Variants in PTCHD1 observed in about 807,000 individuals in gnomAD.
PTCHD1 encodes patched domain-containing protein 1.
A neutral mutation model predicts 34.6 loss-of-function variants in PTCHD1; 3 were observed. That is an observed-to-expected ratio of 0.09 (90% confidence interval 0.04 to 0.22). The LOEUF (loss-of-function observed/expected upper bound fraction) is 0.22, where lower values mean the gene tolerates loss of function less well. Among genes scored for constraint, PTCHD1 ranks in the 10% least tolerant of loss-of-function variants. The pLI is 1.00. For missense variants in PTCHD1, 504 were observed against 685.5 expected (o/e 0.74, Z 2.96); for synonymous variants, 305 against 283.1 (o/e 1.08, Z -0.77).
At chrX:23,348,800 T>A (rs750015682) in intron 1 of PTCHD1, among the ~76,000 whole-genome samples, 54 of 111,958 alleles carry the variant, frequency 4.8e-4, no homozygotes, top group African/African-American at 1.7e-3. Flanking sequence ...AAGAAGTTGT[T>A]TAAGAAAAAG....
chrX:23,381,483 C>T (rs1170476316), intron 2 of PTCHD1, among the ~76,000 whole-genome samples: 1 of 112,506 alleles, frequency 8.9e-6, no homozygotes, highest in African/African-American at 3.2e-5. Context: ...TAAGAAATAA[C>T]CACTGTTGAG....
intron 2 of PTCHD1, among the ~76,000 whole-genome samples, chrX:23,390,337 A>C (rs781244353): frequency 1.7e-3 from 184 of 109,764 alleles, no homozygotes; most frequent in Admixed American, 7.3e-3. Flanking sequence ...AGGAAAAAAA[A>C]AAAAAAAACA....
At chrX:23,357,692 G>A (rs1306524495) in intron 1 of PTCHD1, among the ~76,000 whole-genome samples, 1 of 110,905 alleles carries the variant, frequency 9.0e-6, no homozygotes, top group Admixed American at 9.6e-5. Flanking sequence ...TAAGTTCTAG[G>A]GTACATATGC....
chrX:23,362,139 C>A (rs1405881387), intron 1 of PTCHD1, among the ~76,000 whole-genome samples: 4 of 111,639 alleles, frequency 3.6e-5, no homozygotes, highest in Admixed American at 1.9e-4. Context: ...TGGGGTTGCT[C>A]TTCTTGAGGA....
At chrX:23,338,358 CA>C (rs1265936338) in intron 1 of PTCHD1, among the ~76,000 whole-genome samples, 1 of 112,343 alleles carries the variant, frequency 8.9e-6, no homozygotes, top group Non-Finnish European at 1.9e-5. Flanking sequence ...AAGCAAATTT[CA>C]AAGGAGGGCC....
intron 1 of PTCHD1, among the ~76,000 whole-genome samples, chrX:23,365,471 T>C (rs1922116286): frequency 9.1e-6 from 1 of 109,820 alleles, no homozygotes; most frequent in Non-Finnish European, 1.9e-5. Context: ...TTGGGAGGTG[T>C]AGGGCAAACA....
intron 1 of PTCHD1, among the ~76,000 whole-genome samples, chrX:23,342,989 G>A (rs1309385391): frequency 8.9e-6 from 1 of 112,262 alleles, no homozygotes; most frequent in African/African-American, 3.2e-5. Context: ...CTCTTCAGGG[G>A]CAGGAACAAT....
chrX:23,361,307 C>G (rs991832875), intron 1 of PTCHD1, among the ~76,000 whole-genome samples: 3 of 111,632 alleles, frequency 2.7e-5, no homozygotes, highest in Non-Finnish European at 5.6e-5. Context: ...GGTCTCTAAG[C>G]ACTTGCCTTA....
chrX:23,394,301 CCAAA>C lies in PTCHD1; in HGVS notation c.*117_*120del. 2 of 113,341 alleles carry C rather than the reference CCAAA, an allele frequency of 1.8e-5. No homozygotes were observed. Among genetic ancestry groups the C allele is most frequent in the Admixed American group, 1.5e-4 (1 of 6,860 alleles). The allele number at this position is 113,341 out of a possible 1,213,427, so 9.3% of individuals were successfully genotyped here. ...TTTTAAAGATAGGAAACAGGCATTG[CCAAA>C]AAAAAAAAAAAAAAAAAAAGGAAAG... On this transcript the variant is annotated 3_prime_UTR_variant, in exon 3 of 3. Coordinates refer to ENST00000379361, the MANE Select transcript of PTCHD1 (RefSeq NM_173495.3).
intron 1 of PTCHD1, among the ~76,000 whole-genome samples, chrX:23,354,188 T>G (rs1479525191): frequency 9.0e-6 from 1 of 110,711 alleles, no homozygotes; most frequent in African/African-American, 3.3e-5. Context: ...AATCAAGTAT[T>G]CCAGGAACCA....
Position 23,394,222 on chromosome X carries a change from TC to T in PTCHD1, c.*38del. The T allele has an allele frequency of 6.4e-6, 6 of 930,524 alleles. No individual in the cohort carries two copies. Among genetic ancestry groups the T allele is most frequent in the Non-Finnish European group, 9.1e-6 (6 of 660,401 alleles). The allele number at this position is 930,524 out of a possible 1,213,427, so 76.7% of individuals were successfully genotyped here. A position where few individuals can be genotyped will look rare whatever the true frequency, so the allele number is the denominator to read the frequency against. ...TGGCATATTTTCACCTTAGGTCTTA[TC>T]AAGACCAAAGAGATTATGTTAATGA... is the stretch of plus-strand genomic sequence containing the variant. On this transcript the variant is annotated 3_prime_UTR_variant, in exon 3 of 3. Transcript: ENST00000379361.
chrX:23,362,408 T>A (rs891367769), intron 1 of PTCHD1, among the ~76,000 whole-genome samples: 5 of 112,494 alleles, frequency 4.4e-5, no homozygotes, highest in South Asian at 3.7e-4. Flanking sequence ...TGATCTTCAA[T>A]CACTGATACC....
At chrX:23,348,867 A>G (rs1376623859) in intron 1 of PTCHD1, among the ~76,000 whole-genome samples, 13 of 111,987 alleles carry the variant, frequency 1.2e-4, no homozygotes. Context: ...TAGAGAAGGA[A>G]TAAATGAAGC....
rs34539351 is a variant in PTCHD1 at position 23,394,409 on chromosome X, GACACACACACAC to G, written c.*255_*266del. ...TGTTATGAGAATTCACACACACATA[GACACACACACAC>G]ACACACACACACACACACACACACA... On this transcript the variant is annotated 3_prime_UTR_variant, in exon 3 of 3. Coordinates refer to ENST00000379361, the MANE Select transcript of PTCHD1 (RefSeq NM_173495.3). 5.6e-4 allele frequency: 112 copies of G among 200,165 alleles called. No individual in the cohort carries two copies. The highest frequency in any genetic ancestry group is 1.3e-3 in the African/African-American group (36 of 27,315). The allele number at this position is 200,165 out of a possible 1,213,427, so 16.5% of individuals were successfully genotyped here.
At chrX:23,363,733 G>C (rs947339597) in intron 1 of PTCHD1, among the ~76,000 whole-genome samples, 1 of 112,602 alleles carries the variant, frequency 8.9e-6, no homozygotes, top group Non-Finnish European at 1.9e-5. Context: ...TGTCTTCTAC[G>C]TCGATCACGC....
intron 2 of PTCHD1, among the ~76,000 whole-genome samples, chrX:23,390,395 C>G (rs1034158993): frequency 9.1e-6 from 1 of 109,471 alleles, no homozygotes; most frequent in Non-Finnish European, 1.9e-5. Flanking sequence ...GAAGTATTCT[C>G]TTTTTACCCT....
Position 23,364,256 on chromosome X carries a change from A to G in PTCHD1, c.352-15335A>G, listed in dbSNP as rs917963475. ...GCCCTCTGGGTACTGTAAATATGCT[A>G]TGTCTTGATCTGAGCAATGTTTATG... On this transcript the variant is annotated intron_variant, in intron 1 of 2. Coordinates refer to ENST00000379361, the MANE Select transcript of PTCHD1 (RefSeq NM_173495.3). Among the ~76,000 whole-genome samples, 7 of 110,407 alleles carry G rather than the reference A, an allele frequency of 6.3e-5. No homozygotes were observed. In the East Asian group the frequency reaches 8.5e-4, roughly 13 times the overall value.
chrX:23,362,796 C>G (rs897438306), intron 1 of PTCHD1, among the ~76,000 whole-genome samples: 2 of 111,981 alleles, frequency 1.8e-5, no homozygotes, highest in Non-Finnish European at 3.8e-5. Flanking sequence ...TGTTGGTGAC[C>G]TACAGATGGG....
At chrX:23,346,355 C>T (rs1396081960) in intron 1 of PTCHD1, among the ~76,000 whole-genome samples, 3 of 111,080 alleles carry the variant, frequency 2.7e-5, no homozygotes, top group Non-Finnish European at 5.7e-5. Flanking sequence ...CCGACCCACT[C>T]GGAATATGAC....
Sources: allele counts gnomAD v4.1 joint callset (sites outside exome capture counted in the v4.1 genomes callset), GRCh38; gene constraint gnomAD v4.1.1; transcripts MANE v1.5; gene names NCBI Gene and HGNC (gene_info 2026-07-23, HGNC 2026-07-21).